PLXDC2: variants seen among roughly 807,000 people sequenced by gnomAD.
PLXDC2 encodes plexin domain-containing protein 2.
A neutral mutation model predicts 68.9 loss-of-function variants in PLXDC2; 40 were observed. That is an observed-to-expected ratio of 0.58 (90% confidence interval 0.45 to 0.76). The LOEUF is 0.76. Ranked by LOEUF, PLXDC2 falls within the 30% of genes least tolerant of loss-of-function variation. The pLI, the probability that PLXDC2 is intolerant of heterozygous loss-of-function variation, is 0.00. For synonymous variants in PLXDC2, 243 were observed against 234.2 expected, an observed-to-expected ratio of 1.04 and a Z score of -0.34; for missense variants, 644 against 661.9, an observed-to-expected ratio of 0.97 and a Z score of 0.30.
intron 12 of PLXDC2, among the ~76,000 whole-genome samples, chr10:20,240,217 A>G (rs1475605887): frequency 6.6e-6 from 1 of 152,168 alleles, no homozygotes; most frequent in African/African-American, 2.4e-5. Flanking sequence ...TGCTTAGGAC[A>G]ACGGCCTCCA....
At chr10:20,026,054 C>G (rs1835396774) in intron 2 of PLXDC2, among the ~76,000 whole-genome samples, 2 of 152,012 alleles carry the variant, frequency 1.3e-5, no homozygotes, top group African/African-American at 4.8e-5. Context: ...ATATGGAGCT[C>G]TAATGTAGAG....
intron 4 of PLXDC2, among the ~76,000 whole-genome samples, chr10:20,084,458 T>A (rs1418293732): frequency 6.6e-6 from 1 of 151,734 alleles, no homozygotes; most frequent in Non-Finnish European, 1.5e-5. Context: ...CAGTGGGGAG[T>A]CATTCTGGGC....
chr10:19,923,540 G>GA lies in PLXDC2; in HGVS notation c.113-78229dup, dbSNP rs758882594. Among the ~76,000 whole-genome samples, 32 of 152,178 alleles carry GA rather than the reference G, an allele frequency of 2.1e-4. No individual in the cohort carries two copies. In the East Asian group the frequency reaches 5.8e-3, roughly 28 times the overall value. Reference sequence around the variant, plus strand: ...GAATACTTTTCATTTGATATGGGCAGAAAAAATTGCTTTATCCAATTGCTA... The same window carrying GA: ...GAATACTTTTCATTTGATATGGGCAGAAAAAAATTGCTTTATCCAATTGCTA... On this transcript the variant is annotated intron_variant, in intron 1 of 13. Transcript: ENST00000377252.
intron 4 of PLXDC2, among the ~76,000 whole-genome samples, chr10:20,073,327 T>C (rs1019238325): frequency 5.3e-5 from 8 of 152,208 alleles, no homozygotes; most frequent in African/African-American, 1.4e-4. Flanking sequence ...AAATTTAACA[T>C]TGAAATTAAG....
At chr10:19,911,016 A>G (rs1008114671) in intron 1 of PLXDC2, among the ~76,000 whole-genome samples, 1 of 151,730 alleles carries the variant, frequency 6.6e-6, no homozygotes, top group African/African-American at 2.4e-5. Flanking sequence ...CTCAGAAAAC[A>G]AAAAACAAAA....
At chr10:19,996,227 G>T (rs1324378346) in intron 1 of PLXDC2, among the ~76,000 whole-genome samples, 1 of 152,074 alleles carries the variant, frequency 6.6e-6, no homozygotes, top group African/African-American at 2.4e-5. Context: ...GATTGCTTGG[G>T]GCCAGGAGTT....
At chr10:19,872,708 AG>A (rs1195630806) in intron 1 of PLXDC2, among the ~76,000 whole-genome samples, 2 of 152,026 alleles carry the variant, frequency 1.3e-5, no homozygotes, top group Admixed American at 6.5e-5. Context: ...AGTTAGAGAC[AG>A]GGTGGGGGTG....
chr10:20,132,590 A>T (rs1833881655), intron 4 of PLXDC2, among the ~76,000 whole-genome samples: 1 of 152,010 alleles, frequency 6.6e-6, no homozygotes, highest in Non-Finnish European at 1.5e-5. Context: ...TATCTTTATC[A>T]TTGTCTCTTG....
intron 13 of PLXDC2, among the ~76,000 whole-genome samples, chr10:20,274,605 C>CA (rs1341117263): frequency 6.6e-6 from 1 of 152,158 alleles, no homozygotes; most frequent in Non-Finnish European, 1.5e-5. Flanking sequence ...AAAGATCACC[C>CA]AGGCTTTGCT....
At chr10:20,177,236 AG>A in intron 8 of PLXDC2, 91 bp from the exon 9 acceptor site, 6 of 1,333,166 alleles carry the variant, frequency 4.5e-6, no homozygotes, top group Non-Finnish European at 6.5e-6. Context: ...CCTGAGGATT[AG>A]GGGGCAGTGA....
chr10:19,973,471 G>A (rs924292355), intron 1 of PLXDC2, among the ~76,000 whole-genome samples: 34 of 151,890 alleles, frequency 2.2e-4, no homozygotes, highest in Non-Finnish European at 5.9e-5. Context: ...AGGAAAAGAA[G>A]GATATTTGTT....
chr10:20,033,984 C>G (rs867218616), intron 2 of PLXDC2, among the ~76,000 whole-genome samples: 1 of 152,076 alleles, frequency 6.6e-6, no homozygotes, highest in African/African-American at 2.4e-5. Context: ...GTTTTTGACT[C>G]TTAGTACCAT....
intron 4 of PLXDC2, among the ~76,000 whole-genome samples, chr10:20,125,220 C>T (rs1196468808): frequency 1.3e-5 from 2 of 152,102 alleles, no homozygotes; most frequent in Non-Finnish European, 2.9e-5. Context: ...GGTGGTACTA[C>T]CACCTTGCAG....
chr10:20,200,999 C>T (rs1490296571), intron 9 of PLXDC2, among the ~76,000 whole-genome samples: 4 of 151,980 alleles, frequency 2.6e-5, no homozygotes, highest in Non-Finnish European at 1.5e-5. Context: ...ATAGAACTAC[C>T]AGATGATCTA....
At chr10:19,973,660 A>G (rs1426104245) in intron 1 of PLXDC2, among the ~76,000 whole-genome samples, 1 of 152,184 alleles carries the variant, frequency 6.6e-6, no homozygotes, top group Non-Finnish European at 1.5e-5. Context: ...GGAAAAAGTT[A>G]TAATACTGGA....
chr10:19,938,257 A>G (rs893653272), intron 1 of PLXDC2, among the ~76,000 whole-genome samples: 2 of 151,710 alleles, frequency 1.3e-5, no homozygotes, highest in Non-Finnish European at 3.0e-5. Context: ...CACAAGCAAG[A>G]GTTTCAGTGA....
At chr10:19,918,268 G>A (rs1426718935) in intron 1 of PLXDC2, among the ~76,000 whole-genome samples, 1 of 152,186 alleles carries the variant, frequency 6.6e-6, no homozygotes, top group Non-Finnish European at 1.5e-5. Flanking sequence ...TCATGAAAGA[G>A]TCAGGAAATT....
At chr10:20,102,701 T>C (rs7919259) in intron 4 of PLXDC2, among the ~76,000 whole-genome samples, 1 of 152,182 alleles carries the variant, frequency 6.6e-6, no homozygotes, top group Admixed American at 6.5e-5. Context: ...GATGGGGGAA[T>C]CCTGTTTCAG....
chr10:20,238,637 CAGAG>C (rs1370685886), intron 12 of PLXDC2, among the ~76,000 whole-genome samples: 1 of 45,094 alleles, frequency 2.2e-5, no homozygotes, highest in Non-Finnish European at 6.3e-5. Flanking sequence ...AGAGTGAGAA[CAGAG>C]AAAGACTCCA....
Sources: gnomAD v4.1 joint callset for allele counts (sites outside exome capture counted in the v4.1 genomes callset) on GRCh38, gnomAD v4.1.1 for gene constraint, MANE v1.5 for transcripts, NCBI Gene and HGNC (gene_info 2026-07-23, HGNC 2026-07-21) for gene names.